PDE1C: variants seen among roughly 807,000 people sequenced by gnomAD.
PDE1C encodes phosphodiesterase 1C.
Under a neutral mutation model 93.1 loss-of-function variants are expected in PDE1C, and 62 were observed. The observed-to-expected ratio is 0.67, with a 90% CI of 0.54 to 0.82. The LOEUF (loss-of-function observed/expected upper bound fraction) is 0.82. Among genes scored for constraint, PDE1C ranks in the 40% least tolerant of loss-of-function variants. The pLI, the probability that PDE1C is intolerant of heterozygous loss-of-function variation, is 0.00. For synonymous variants in PDE1C, 325 were observed against 310.1 expected (o/e 1.05, Z -0.50); for missense variants, 742 against 884.6 (o/e 0.84, Z 2.04).
intron 1 of PDE1C, among the ~76,000 whole-genome samples, chr7:32,397,134 A>G (rs1013401321): frequency 6.6e-6 from 1 of 152,204 alleles, no homozygotes; most frequent in African/African-American, 2.4e-5. Context: ...AAATTTTACT[A>G]TACTGAAATA....
chr7:31,817,008 G>A (rs1020366543), intron 14 of PDE1C, among the ~76,000 whole-genome samples: 2 of 152,324 alleles, frequency 1.3e-5, no homozygotes. Context: ...TTATTGAGCA[G>A]TTGTAGCGTT....
At chr7:31,960,173 C>A (rs1808743722) in intron 2 of PDE1C, among the ~76,000 whole-genome samples, 1 of 152,114 alleles carries the variant, frequency 6.6e-6, no homozygotes, top group Non-Finnish European at 1.5e-5. Context: ...CCGCGCCCGG[C>A]CTCAACTTGC....
chr7:31,672,917 G>C, the PDE1C span, among the ~76,000 whole-genome samples: 2 of 152,170 alleles, frequency 1.3e-5, no homozygotes, highest in Admixed American at 6.5e-5. Context: ...GTGATACTGA[G>C]TGAGTTTTTA....
At chr7:32,152,836 A>G (rs1472783668) in intron 3 of PDE1C, among the ~76,000 whole-genome samples, 2 of 152,210 alleles carry the variant, frequency 1.3e-5, no homozygotes, top group African/African-American at 2.4e-5. Context: ...CCATGAAAAA[A>G]TTAGGACAAA....
At chr7:31,902,955 G>C (rs781410127) in intron 2 of PDE1C, among the ~76,000 whole-genome samples, 4 of 151,592 alleles carry the variant, frequency 2.6e-5, no homozygotes, top group Admixed American at 1.3e-4. Context: ...TATCAAACAA[G>C]TATGTCTTAT....
At chr7:31,681,370 CGGATGGATGGATGGATGGATGGATGGAT>C in the PDE1C span, among the ~76,000 whole-genome samples, 5 of 52,602 alleles carry the variant, frequency 9.5e-5, no homozygotes, top group Non-Finnish European at 1.8e-4. Context: ...GATGGATGGA[CGGATGGATGGATGGATGGATGGATGGAT>C]GGATGGATGG....
the PDE1C span, chr7:31,707,608 A>T: frequency 8.0e-6 from 2 of 250,506 alleles, no homozygotes; most frequent in African/African-American, 2.2e-5. Context: ...CGGAACAGAG[A>T]TCGTGGATTA....
chr7:32,413,647 T>A (rs1366838511), intron 1 of PDE1C, among the ~76,000 whole-genome samples: 1 of 152,118 alleles, frequency 6.6e-6, no homozygotes, highest in East Asian at 1.9e-4. Context: ...TATGGATGGA[T>A]GTTGGAGATG....
chr7:32,274,100 T>C (rs1463142575), intron 1 of PDE1C, among the ~76,000 whole-genome samples: 1 of 152,094 alleles, frequency 6.6e-6, no homozygotes, highest in Non-Finnish European at 1.5e-5. Flanking sequence ...CTTAGAAACA[T>C]CTAGTATAAC....
At chr7:31,701,890 T>C in the PDE1C span, among the ~76,000 whole-genome samples, 1 of 152,370 alleles carries the variant, frequency 6.6e-6, no homozygotes, top group Admixed American at 6.5e-5. Context: ...TACAGTATAG[T>C]GTAAGCCTAA....
upstream of PDE1C, among the ~76,000 whole-genome samples, chr7:32,301,336 T>C (rs1333244608): frequency 6.6e-6 from 1 of 152,078 alleles, no homozygotes; most frequent in African/African-American, 2.4e-5. Flanking sequence ...AAAAAGTCTA[T>C]TGCAATGGAA....
At chr7:31,782,049 G>A (rs1484864760) in intron 16 of PDE1C, among the ~76,000 whole-genome samples, 1 of 152,152 alleles carries the variant, frequency 6.6e-6, no homozygotes, top group Non-Finnish European at 1.5e-5. Context: ...ATGTGACAAA[G>A]CGTTATGTAC....
At chr7:32,168,460 T>C (rs751383168) in intron 3 of PDE1C, among the ~76,000 whole-genome samples, 17 of 152,244 alleles carry the variant, frequency 1.1e-4, no homozygotes, top group Admixed American at 3.3e-4. Context: ...GACCCTGGTT[T>C]AGGGTGGAAG....
At chr7:31,670,531 G>A in the PDE1C span, among the ~76,000 whole-genome samples, 1 of 152,226 alleles carries the variant, frequency 6.6e-6, no homozygotes, top group African/African-American at 2.4e-5. Flanking sequence ...CCCTTTAAAT[G>A]TTAATTCTTG....
chr7:31,958,760 T>C lies in PDE1C; in HGVS notation c.129-77900A>G, dbSNP rs1397529364. Among the ~76,000 whole-genome samples the C allele has an allele frequency of 2.6e-5, 4 of 152,152 alleles. No individual in the cohort carries two copies. The East Asian group carries it at 5.8e-4, about 22-fold the overall frequency. On this transcript the variant is annotated intron_variant, in intron 2 of 17. Transcript: ENST00000396191. ...ATATTAGATGACTTTCCAAGGAATT[T>C]TGGAATTCTAGAGAAGTCTCTGGAT...
intron 1 of PDE1C, among the ~76,000 whole-genome samples, chr7:32,394,688 G>A (rs986992628): frequency 1.3e-5 from 2 of 152,154 alleles, no homozygotes; most frequent in Non-Finnish European, 2.9e-5. Context: ...TGCACCTATA[G>A]TGCCAGCTAA....
intron 2 of PDE1C, among the ~76,000 whole-genome samples, chr7:32,044,415 C>G (rs866870381): frequency 6.6e-6 from 1 of 152,064 alleles, no homozygotes; most frequent in Non-Finnish European, 1.5e-5. Context: ...GTGTAGGCAG[C>G]CTTAAAATCC....
At chr7:32,091,074 C>T (rs1238953461) in intron 3 of PDE1C, among the ~76,000 whole-genome samples, 2 of 152,212 alleles carry the variant, frequency 1.3e-5, no homozygotes, top group Non-Finnish European at 2.9e-5. Flanking sequence ...TGCATAACAG[C>T]AAGGACTGTG....
At chr7:32,172,190 T>C (rs1451454250) in intron 2 of PDE1C, among the ~76,000 whole-genome samples, 2 of 151,990 alleles carry the variant, frequency 1.3e-5, no homozygotes, top group Non-Finnish European at 2.9e-5. Flanking sequence ...TCTGGTTATG[T>C]CTACCCAGAT....
Sources: gnomAD v4.1 joint callset for allele counts (sites outside exome capture counted in the v4.1 genomes callset) on GRCh38, gnomAD v4.1.1 for gene constraint, MANE v1.5 for transcripts, NCBI Gene and HGNC (gene_info 2026-07-23, HGNC 2026-07-21) for gene names.